RBFOX1: variants seen among roughly 807,000 people sequenced by gnomAD.
RBFOX1 encodes the protein RNA binding fox-1 homolog 1.
A neutral mutation model predicts 57.7 loss-of-function variants in RBFOX1; 8 were observed. The ratio of observed to expected loss-of-function variants is 0.14; its 90% CI spans 0.08 to 0.25. RBFOX1 has a LOEUF of 0.25. Among genes scored for constraint, RBFOX1 ranks in the 10% least tolerant of loss-of-function variants. The probability of loss-of-function intolerance (pLI) is 1.00; values close to 1 mark genes in which losing one functional copy is unlikely to be tolerated. For missense variants in RBFOX1, 611 were observed against 548.5 expected (o/e 1.11, Z -1.14); for synonymous variants, 326 against 222.4 (o/e 1.47, Z -4.15).
chr16:7,188,173 C>A (rs774528182), intron 4 of RBFOX1, among the ~76,000 whole-genome samples: 213 of 152,248 alleles, frequency 1.4e-3, no homozygotes, highest in Middle Eastern at 3.4e-3. Flanking sequence ...GAAAGAAAAC[C>A]AGAGGTATAA....
chr16:7,343,518 A>T (rs1002382498), intron 4 of RBFOX1, among the ~76,000 whole-genome samples: 7 of 152,150 alleles, frequency 4.6e-5, no homozygotes, highest in African/African-American at 1.7e-4. Context: ...CAGCAGCATA[A>T]ATTCATACTT....
chr16:5,496,569 G>T (rs1186056743), intron 2 of RBFOX1, among the ~76,000 whole-genome samples: 1 of 152,118 alleles, frequency 6.6e-6, no homozygotes, highest in Admixed American at 6.5e-5. Flanking sequence ...CATTTAGGAG[G>T]AAGCTTGCTT....
intron 1 of RBFOX1, among the ~76,000 whole-genome samples, chr16:5,275,470 A>C (rs1212192179): frequency 1.3e-5 from 2 of 152,310 alleles, no homozygotes; most frequent in East Asian, 3.9e-4. Flanking sequence ...TTAGGAATAT[A>C]CCTAACCAAG....
chr16:7,124,974 A>G (rs1567353377), intron 4 of RBFOX1, among the ~76,000 whole-genome samples: 1 of 152,162 alleles, frequency 6.6e-6, no homozygotes, highest in African/African-American at 2.4e-5. Flanking sequence ...ACTGGAAAGT[A>G]TGTGTCTGCT....
intron 1 of RBFOX1, among the ~76,000 whole-genome samples, chr16:5,246,054 G>C (rs2062291651): frequency 6.6e-6 from 1 of 152,240 alleles, no homozygotes; most frequent in East Asian, 1.9e-4. Context: ...GACCAGCCTG[G>C]CCAACATGGC....
intron 3 of RBFOX1, among the ~76,000 whole-genome samples, chr16:6,941,254 TC>T (rs2078409217): frequency 1.9e-5 from 1 of 54,030 alleles, no homozygotes; most frequent in African/African-American, 6.7e-5. Flanking sequence ...TCCCATTCCC[TC>T]CCTCCCATTT....
intron 3 of RBFOX1, among the ~76,000 whole-genome samples, chr16:6,733,683 A>G (rs79695105): frequency 0.03 from 4,530 of 152,180 alleles, 193 homozygotes; most frequent in African/African-American, 0.093. Context: ...GCATGAGCCC[A>G]GAAGGTTGAG....
At position 6,637,896 on chromosome 16, in the gene RBFOX1, T is replaced by C. The variant is rs748997485; in HGVS notation, c.-63-16707T>C. Among the ~76,000 whole-genome samples the C allele has an allele frequency of 3.0e-4, 45 of 152,244 alleles. 1 individual carries two copies. The highest frequency in any genetic ancestry group is 6.8e-3 in the Middle Eastern group (2 of 294). ...AGAAAAGTGGAGACAGTGAATTACATTTTACAGGGATTTTACCCAAAAATG... is the reference window on the plus strand; with the variant it reads ...AGAAAAGTGGAGACAGTGAATTACACTTTACAGGGATTTTACCCAAAAATG... On this transcript the variant is annotated intron_variant, in intron 2 of 15. Transcript: ENST00000550418.
chr16:6,724,823 C>T (rs942679351), intron 3 of RBFOX1, among the ~76,000 whole-genome samples: 1 of 151,964 alleles, frequency 6.6e-6, no homozygotes, highest in Non-Finnish European at 1.5e-5. Context: ...ATTTGCTTCA[C>T]CTATCAACCC....
chr16:6,392,823 T>C (rs2092664823), intron 2 of RBFOX1, among the ~76,000 whole-genome samples: 1 of 152,250 alleles, frequency 6.6e-6, no homozygotes, highest in African/African-American at 2.4e-5. Context: ...ATTAACCATT[T>C]ACAGTTTGGT....
At chr16:5,562,112 C>G (rs745908342) in intron 2 of RBFOX1, among the ~76,000 whole-genome samples, 3 of 152,172 alleles carry the variant, frequency 2.0e-5, no homozygotes, top group Non-Finnish European at 4.4e-5. Context: ...AAAGGCAAAG[C>G]TCTTCCTGAG....
chr16:6,255,433 A>G (rs977857308), intron 1 of RBFOX1, among the ~76,000 whole-genome samples: 1 of 152,120 alleles, frequency 6.6e-6, no homozygotes. Context: ...AGTGGAGGAA[A>G]TGCAAGTTGG....
chr16:6,216,756 C>G (rs1244928288), intron 1 of RBFOX1, among the ~76,000 whole-genome samples: 1 of 152,152 alleles, frequency 6.6e-6, no homozygotes, highest in East Asian at 1.9e-4. Context: ...CCTACTCTGC[C>G]TGAAAACTAA....
intron 3 of RBFOX1, among the ~76,000 whole-genome samples, chr16:6,711,093 C>T (rs976822421): frequency 2.6e-5 from 4 of 152,186 alleles, no homozygotes; most frequent in African/African-American, 7.2e-5. Context: ...CTTGACACTT[C>T]TGTTTCTCAA....
intron 5 of RBFOX1, among the ~76,000 whole-genome samples, chr16:7,541,294 T>C (rs1212987189): frequency 6.6e-6 from 1 of 152,204 alleles, no homozygotes; most frequent in Non-Finnish European, 1.5e-5. Context: ...AAAGTGAGTG[T>C]CTACCCTTTG....
rs2059427275 is a variant in RBFOX1 at position 5,947,608 on chromosome 16, C to T, written c.351+80273C>T. Among the ~76,000 whole-genome samples, 1 of 152,174 alleles carries T rather than the reference C, an allele frequency of 6.6e-6. No individual in the cohort carries two copies. The highest frequency in any genetic ancestry group is 2.1e-4 in the South Asian group (1 of 4,824). On this transcript the variant is annotated intron_variant, in intron 4 of 19. Coordinates refer to the RBFOX1 transcript ENST00000641259. This position sits in a 1 kb window ranked among gnomAD's most constrained non-coding sequence, Gnocchi z 7.2. ...AAAGTGCTGGGATTACATGCATGAT[C>T]CACCATGTCTTGACCCTTCGATTTT...
intron 4 of RBFOX1, among the ~76,000 whole-genome samples, chr16:7,479,099 A>T (rs1352903562): frequency 1.4e-5 from 2 of 142,516 alleles, no homozygotes; most frequent in African/African-American, 5.1e-5. Flanking sequence ...TGGGAAGTGG[A>T]TCAAAACCCA....
chr16:5,945,734 C>T (rs2059388550), intron 4 of RBFOX1, among the ~76,000 whole-genome samples: 2 of 152,334 alleles, frequency 1.3e-5, no homozygotes, highest in Non-Finnish European at 1.5e-5. Flanking sequence ...CACTGTCCAT[C>T]ACCACCCCTG....
intron 3 of RBFOX1, among the ~76,000 whole-genome samples, chr16:5,664,216 G>A (rs1350411039): frequency 3.9e-5 from 6 of 152,256 alleles, no homozygotes; most frequent in Non-Finnish European, 7.4e-5. Context: ...GGGGGTTCTC[G>A]AGCCAAGCTG....
Sources: gnomAD v4.1 joint callset for allele counts (sites outside exome capture counted in the v4.1 genomes callset) on GRCh38, gnomAD v4.1.1 for gene constraint, Gnocchi (gnomAD v3.1) non-coding constraint, MANE v1.5 for transcripts, NCBI Gene and HGNC (gene_info 2026-07-23, HGNC 2026-07-21) for gene names.